Variants in SUPT3H observed in about 807,000 individuals in gnomAD.
SUPT3H encodes the protein transcription initiation protein SPT3 homolog.
Under a neutral mutation model 44.3 loss-of-function variants are expected in SUPT3H, and 44 were observed. That is an observed-to-expected ratio of 0.99 (90% CI 0.78 to 1.28). The LOEUF is 1.28. Among genes scored for constraint, SUPT3H ranks in the 50% most tolerant of loss-of-function variants. SUPT3H has a pLI of 0.00. For missense variants in SUPT3H, 380 were observed against 387.1 expected (o/e 0.98, Z 0.15); for synonymous variants, 124 against 125.6 (o/e 0.99, Z 0.09).
At chr6:45,315,475 T>G (rs761582284) in intron 2 of SUPT3H, among the ~76,000 whole-genome samples, 1 of 152,022 alleles carries the variant, frequency 6.6e-6, no homozygotes, top group East Asian at 1.9e-4. Flanking sequence ...AGGACATGAA[T>G]AGACAACTCT....
intron 2 of SUPT3H, among the ~76,000 whole-genome samples, chr6:45,237,766 T>C (rs527808000): frequency 3.3e-5 from 5 of 152,144 alleles, no homozygotes; most frequent in South Asian, 2.1e-4. Context: ...AAAGGACACA[T>C]AGCTTCAATA....
At chr6:44,954,465 T>G (rs759299591) in intron 8 of SUPT3H, 30 bp downstream of exon 8, 1 of 1,513,042 alleles carries the variant, frequency 6.6e-7, no homozygotes, top group Non-Finnish European at 9.2e-7. Context: ...CCAGCCAGTG[T>G]GGCCCGATAT....
chr6:44,840,409 C>T (rs1372960311), intron 10 of SUPT3H, among the ~76,000 whole-genome samples: 10 of 152,058 alleles, frequency 6.6e-5, no homozygotes, highest in Non-Finnish European at 1.5e-4. Flanking sequence ...GTTCAGCAGA[C>T]CCGTGGGAGG....
At chr6:44,819,563 AG>A (rs1272485132) in intron 11 of SUPT3H, among the ~76,000 whole-genome samples, 2 of 151,382 alleles carry the variant, frequency 1.3e-5, no homozygotes, top group East Asian at 3.9e-4. Flanking sequence ...AGGCTGAGGC[AG>A]GAGGACAGTT....
At chr6:45,268,670 C>A (rs1775645749) in intron 2 of SUPT3H, among the ~76,000 whole-genome samples, 1 of 151,634 alleles carries the variant, frequency 6.6e-6, no homozygotes, top group South Asian at 2.1e-4. Flanking sequence ...TTCAACAAAA[C>A]TAAATGTTAG....
chr6:45,172,288 G>A (rs931853921), intron 2 of SUPT3H, among the ~76,000 whole-genome samples: 4 of 151,290 alleles, frequency 2.6e-5, no homozygotes, highest in Admixed American at 1.3e-4. Context: ...GGCCAGAATG[G>A]TCTCGATCTC....
chr6:44,948,474 T>G (rs865940), intron 9 of SUPT3H, among the ~76,000 whole-genome samples: 92,341 of 151,832 alleles, frequency 0.61, 29,003 homozygotes, highest in African/African-American at 0.78. Context: ...TGGGAGAAAA[T>G]TTTTACAATC....
At chr6:44,971,939 A>T (rs1272654988) in intron 6 of SUPT3H, among the ~76,000 whole-genome samples, 2 of 151,698 alleles carry the variant, frequency 1.3e-5, no homozygotes, top group South Asian at 2.1e-4. Flanking sequence ...CACCCGGCTA[A>T]TTTTTTTTGT....
chr6:45,221,670 G>A (rs1766082062), intron 2 of SUPT3H, among the ~76,000 whole-genome samples: 1 of 151,992 alleles, frequency 6.6e-6, no homozygotes, highest in African/African-American at 2.4e-5. Flanking sequence ...TGATATATAA[G>A]TTTAATTTAA....
At chr6:45,025,775 C>T (rs12208339) in intron 3 of SUPT3H, among the ~76,000 whole-genome samples, 51,267 of 151,110 alleles carry the variant, frequency 0.34, 9,552 homozygotes, top group Non-Finnish European at 0.41. Context: ...CTCAGCTGCT[C>T]GGGAGGCTGA....
At chr6:45,141,715 T>G (rs1037142203) in intron 2 of SUPT3H, among the ~76,000 whole-genome samples, 3 of 152,096 alleles carry the variant, frequency 2.0e-5, no homozygotes, top group African/African-American at 7.2e-5. Flanking sequence ...TAACAAGTCG[T>G]GAGATTAAAA....
chr6:45,087,340 A>G (rs574161747), intron 3 of SUPT3H, among the ~76,000 whole-genome samples: 5 of 152,034 alleles, frequency 3.3e-5, no homozygotes, highest in African/African-American at 1.2e-4. Flanking sequence ...AAATGTTTAA[A>G]GGGTCAATTC....
At chr6:45,223,624 A>G (rs976781717) in intron 2 of SUPT3H, among the ~76,000 whole-genome samples, 7 of 152,022 alleles carry the variant, frequency 4.6e-5, no homozygotes, top group African/African-American at 1.7e-4. Context: ...TATCTTCTCA[A>G]TTAATCTTAC....
chr6:45,336,610 A>G (rs774701613), intron 2 of SUPT3H, among the ~76,000 whole-genome samples: 15 of 151,470 alleles, frequency 9.9e-5, no homozygotes, highest in Non-Finnish European at 1.9e-4. Flanking sequence ...ACCACTCTAT[A>G]TATGTACAAT....
chr6:45,339,308 A>T (rs1458604866), intron 2 of SUPT3H, among the ~76,000 whole-genome samples: 1 of 152,166 alleles, frequency 6.6e-6, no homozygotes, highest in Non-Finnish European at 1.5e-5. Flanking sequence ...GTGGAGAGAA[A>T]GCCTTCAGAA....
intron 2 of SUPT3H, among the ~76,000 whole-genome samples, chr6:45,316,430 C>T (rs1784714753): frequency 6.6e-6 from 1 of 150,456 alleles, no homozygotes; most frequent in Non-Finnish European, 1.5e-5. Flanking sequence ...AAAAAAAATA[C>T]TGTATCAAGC....
intron 10 of SUPT3H, among the ~76,000 whole-genome samples, chr6:44,932,422 A>T (rs1052384275): frequency 2.0e-5 from 3 of 152,204 alleles, no homozygotes; most frequent in African/African-American, 7.2e-5. Flanking sequence ...TCAACAAAAA[A>T]ACTTAATTTG....
At chr6:44,834,037 C>G (rs890100146) in intron 10 of SUPT3H, among the ~76,000 whole-genome samples, 4 of 152,106 alleles carry the variant, frequency 2.6e-5, no homozygotes, top group Admixed American at 6.6e-5. Context: ...GAACATTGCA[C>G]CCAAATCACT....
chr6:45,293,003 G>C (rs1780559908), intron 2 of SUPT3H, among the ~76,000 whole-genome samples: 1 of 151,928 alleles, frequency 6.6e-6, no homozygotes, highest in African/African-American at 2.4e-5. Flanking sequence ...GATATATACA[G>C]AACATTCCAT....
Sources: allele counts gnomAD v4.1 joint callset (sites outside exome capture counted in the v4.1 genomes callset), GRCh38; gene constraint gnomAD v4.1.1; transcripts MANE v1.5; gene names NCBI Gene and HGNC (gene_info 2026-07-23, HGNC 2026-07-21).